The following ZFAND1 variants were observed in gnomAD, a reference collection of about 807,000 sequenced individuals.
ZFAND1 encodes the protein zinc finger AN1-type containing 1, also known as AN1-type zinc finger protein 1.
A neutral mutation model predicts 38.5 loss-of-function variants in ZFAND1; 40 were observed. The observed-to-expected ratio is 1.04, with a 90% confidence interval of 0.81 to 1.35. ZFAND1 has a LOEUF of 1.35. Among genes scored for constraint, ZFAND1 ranks in the 40% most tolerant of loss-of-function variants. The pLI is 0.00. For missense variants in ZFAND1, 346 were observed against 316.3 expected, an observed-to-expected ratio of 1.09 and a Z score of -0.71; for synonymous variants, 117 against 103.6, an observed-to-expected ratio of 1.13 and a Z score of -0.78.
intron 6 of ZFAND1, among the ~76,000 whole-genome samples, chr8:81,710,745 G>C (rs533652797): frequency 6.6e-6 from 1 of 152,158 alleles, no homozygotes; most frequent in South Asian, 2.1e-4. Context: ...ATTCAAAATA[G>C]GGTTAAAGGC....
At chr8:81,710,534 A>G (rs1268835048) in intron 6 of ZFAND1, among the ~76,000 whole-genome samples, 1 of 152,112 alleles carries the variant, frequency 6.6e-6, no homozygotes, top group African/African-American at 2.4e-5. Context: ...ACCAATGACC[A>G]CCATAAACAA....
intron 1 of ZFAND1, 140 bp from the exon 2 acceptor site, chr8:81,718,364 C>G (rs1025438115): frequency 6.2e-6 from 3 of 482,672 alleles, no homozygotes; most frequent in African/African-American, 4.0e-5. Context: ...ACCACTCTAA[C>G]AAAATTAATC....
intron 1 of ZFAND1, among the ~76,000 whole-genome samples, chr8:81,720,126 C>T (rs547605374): frequency 6.6e-6 from 1 of 152,316 alleles, no homozygotes; most frequent in South Asian, 2.1e-4. Flanking sequence ...CACTTGATAC[C>T]AATGACTGAA....
chr8:81,707,788 T>A (rs1416378323), intron 6 of ZFAND1, among the ~76,000 whole-genome samples: 3 of 152,044 alleles, frequency 2.0e-5, no homozygotes, highest in Admixed American at 2.0e-4. Context: ...AGAAATAAAA[T>A]GTTCAACTTT....
chr8:81,712,438 C>A (rs1031622560), intron 6 of ZFAND1, among the ~76,000 whole-genome samples: 1 of 151,900 alleles, frequency 6.6e-6, no homozygotes, highest in African/African-American at 2.4e-5. Context: ...GCAGAAAAAA[C>A]TCACAAAAAT....
chr8:81,702,700 C>A lies in ZFAND1; in HGVS notation c.802G>T (p.Glu268Ter). Residue 268 changes from glutamate (E) to a stop codon, truncating the protein, a stop_gained, in exon 8 of 8, where the codon GAA (glutamate) becomes TAA (stop). Transcript: ENST00000220669. LOFTEE classifies it high-confidence loss of function. ...QFCKNVESYL[E>*] is the part of the protein sequence containing the mutation. ...TGACTTGAATCTTTGAATGACTATT[C>A]CAAGTAAGATTCAACATTTTTACAG... The A allele has an allele frequency of 1.3e-6, 2 of 1,521,976 alleles. No homozygotes were observed. Among genetic ancestry groups the A allele is most frequent in the Non-Finnish European group, 1.8e-6 (2 of 1,136,176 alleles). The allele number at this position is 1,521,976 out of a possible 1,614,324, so 94.3% of individuals were successfully genotyped here. A position where few individuals can be genotyped will look rare whatever the true frequency, so the allele number is the denominator to read the frequency against.
Position 81,713,982 on chromosome 8 carries a change from G to A in ZFAND1, c.416C>T (p.Thr139Ile). The A allele has an allele frequency of 6.2e-7, 1 of 1,612,166 alleles. No homozygotes were observed. Among genetic ancestry groups the A allele is most frequent in the East Asian group, 2.2e-5 (1 of 44,682 alleles). ...KRWKGAKNSE[T>I]AAKVALMKLK... ...TTTCATCAATGCAACCTTTGCAGCT[G>A]TTTCACTATTTTTGGCACCTTTCCA... The change falls in exon 6 of 8, where the codon ACA becomes ATA. Residue 139 changes from threonine to isoleucine, a missense_variant. Coordinates refer to ENST00000220669, the MANE Select transcript of ZFAND1 (RefSeq NM_024699.3).
At chr8:81,719,706 C>T (rs541385806) in intron 1 of ZFAND1, among the ~76,000 whole-genome samples, 3 of 152,272 alleles carry the variant, frequency 2.0e-5, no homozygotes, top group South Asian at 4.1e-4. Context: ...TTAGGATATA[C>T]ACTTGACGTA....
rs1808225911 is a variant in ZFAND1, at chr8:81,714,057, G to A, written c.359-18C>T. The A allele has an allele frequency of 1.9e-6, 3 of 1,573,330 alleles. No homozygotes were observed. In the East Asian group the frequency reaches 6.7e-5, roughly 35 times the overall value. ...CTTGGAATCTAAGAAGTGTAAGCATGTAATCACATAAAACTTTCACATTAC... is the reference window on the plus strand; with the variant it reads ...CTTGGAATCTAAGAAGTGTAAGCATATAATCACATAAAACTTTCACATTAC... On this transcript the variant is annotated intron_variant, in intron 5 of 7. Coordinates refer to ENST00000220669, the MANE Select transcript of ZFAND1 (RefSeq NM_024699.3).
rs781275964 is a variant in ZFAND1 at position 81,702,837 on chromosome 8, C to T, written c.665G>A (p.Gly222Glu). 1 of 1,598,340 alleles carries T rather than the reference C, an allele frequency of 6.3e-7. No individual in the cohort carries two copies. Among genetic ancestry groups the T allele is most frequent in the Non-Finnish European group, 8.5e-7 (1 of 1,174,064 alleles). ...KKLRLCHITS[G>E]EALPLDHTLE... ...AGTATGATCCAAGGGTAAGGCTTCT[C>T]CTGAAGTAATGTGACACAGCCTTAA... is the stretch of plus-strand genomic sequence containing the variant. Residue 222 changes from glycine to glutamate, a missense_variant, in exon 8 of 8, where the codon GGA becomes GAA. Physicochemically the swap from Gly to Glu is moderately conservative, Grantham distance 98. Coordinates refer to ENST00000220669, the MANE Select transcript of ZFAND1 (RefSeq NM_024699.3).
Position 81,701,526 on chromosome 8 carries a change from A to G in ZFAND1, c.*1169T>C, listed in dbSNP as rs1201144468. The stretch of plus-strand genomic sequence containing the variant: ...GTGGTAGTCTGAAACTGAACCCACA[A>G]TATTTCCAAGGTATACCTGTATGTA... On this transcript the variant is annotated 3_prime_UTR_variant, in exon 8 of 8. Coordinates refer to ENST00000220669, the MANE Select transcript of ZFAND1 (RefSeq NM_024699.3). 6.6e-6 allele frequency: 1 copy of G among 152,216 alleles called. No homozygotes were observed. The allele number at this position is 152,216 out of a possible 1,614,324, so 9.4% of individuals were successfully genotyped here.
intron 6 of ZFAND1, among the ~76,000 whole-genome samples, chr8:81,711,927 C>T (rs572498291): frequency 5.9e-5 from 9 of 151,584 alleles, no homozygotes; most frequent in Admixed American, 3.9e-4. Flanking sequence ...CTACAACTAC[C>T]TCAAAGAATA....
Position 81,718,701 on chromosome 8 carries a change from A to G in ZFAND1, c.56-477T>C, listed in dbSNP as rs192992110. Among the ~76,000 whole-genome samples, 1,386 of 149,330 alleles carry G rather than the reference A, an allele frequency of 9.3e-3. 14 individuals are homozygous for G. The highest frequency in any genetic ancestry group is 0.03 in the African/African-American group (1,229 of 40,802). ...TATATTTATATCTGTGTACTAATAT[A>G]TATGTGTGTGAACAACATATATATA... On this transcript the variant is annotated intron_variant, in intron 1 of 7. Coordinates refer to ENST00000220669, the MANE Select transcript of ZFAND1 (RefSeq NM_024699.3).
chr8:81,707,526 C>G (rs1311800341), intron 6 of ZFAND1, among the ~76,000 whole-genome samples: 1 of 152,054 alleles, frequency 6.6e-6, no homozygotes. Context: ...ACAACCTTGC[C>G]CCATTATGAT....
At chr8:81,717,659 A>C (rs1808357776) in intron 2 of ZFAND1, among the ~76,000 whole-genome samples, 1 of 152,146 alleles carries the variant, frequency 6.6e-6, no homozygotes, top group African/African-American at 2.4e-5. Context: ...TTTACTTCCA[A>C]CAAATCATTC....
At chr8:81,713,710 G>A (rs1419323335) in intron 6 of ZFAND1, among the ~76,000 whole-genome samples, 2 of 152,002 alleles carry the variant, frequency 1.3e-5, no homozygotes, top group African/African-American at 2.4e-5. Context: ...AAGACAACTC[G>A]AAGAAGTATA....
rs1448253637 is a variant in ZFAND1 at position 81,702,746 on chromosome 8, A to T, written c.756T>A (p.Tyr252Ter). ...TACAGAATTGTTCTTCATCATTAAG[A>T]TATTCCAAGATTATATTTCCACCAT... ...LYNGGNIILE[Y>*]LNDEEQFCKN... is the part of the protein sequence containing the mutation. Residue 252 changes from tyrosine (Y) to a stop codon, truncating the protein, a stop_gained, in exon 8 of 8, where the codon TAT becomes TAA. Transcript: ENST00000220669. LOFTEE classifies it high-confidence loss of function. 2 of 1,592,254 alleles carry T rather than the reference A, an allele frequency of 1.3e-6. No individual in the cohort carries two copies. Among genetic ancestry groups the T allele is most frequent in the East Asian group, 4.6e-5 (2 of 43,822 alleles).
intron 1 of ZFAND1, among the ~76,000 whole-genome samples, chr8:81,719,951 C>A (rs1808425859): frequency 6.6e-6 from 1 of 152,136 alleles, no homozygotes. Context: ...GTTATTACAG[C>A]CAGTGGTGAA....
At position 81,715,100 on chromosome 8, in the gene ZFAND1, A is replaced by G. The variant is rs781675049; in HGVS notation, c.153T>C (p.Asn51=). The G allele has an allele frequency of 5.6e-6, 9 of 1,613,872 alleles. No homozygotes were observed. Among genetic ancestry groups the G allele is most frequent in the Non-Finnish European group, 7.6e-6 (9 of 1,179,878 alleles). Residue 51 remains asparagine (N), a synonymous_variant, in exon 4 of 8, where the codon AAT becomes AAC. Transcript: ENST00000220669. Reference sequence around the variant, plus strand: ...TATGTTGATCTGTCTTCAGTCTCTCATTGATTACAGTCACCTGAAAATGCA... The same window carrying G: ...TATGTTGATCTGTCTTCAGTCTCTCGTTGATTACAGTCACCTGAAAATGCA... ...SHGCPEVTVI[N]ERLKTDQHTS...
Sources: allele counts gnomAD v4.1 joint callset (sites outside exome capture counted in the v4.1 genomes callset), GRCh38; gene constraint gnomAD v4.1.1; transcripts MANE v1.5; gene names NCBI Gene and HGNC (gene_info 2026-07-23, HGNC 2026-07-21).